The following GPR37 variants were observed in gnomAD, a reference collection of about 807,000 sequenced individuals.
GPR37 encodes G protein-coupled receptor 37, also known as prosaposin receptor GPR37.
Under a neutral mutation model 43.6 loss-of-function variants are expected in GPR37, and 20 were observed. The observed-to-expected ratio is 0.46, with a 90% CI of 0.32 to 0.67. The LOEUF (loss-of-function observed/expected upper bound fraction) is 0.67, where lower values mean the gene tolerates loss of function less well. Ranked by LOEUF, GPR37 falls within the 30% of genes least tolerant of loss-of-function variation. The probability of loss-of-function intolerance (pLI) is 0.03; values close to 1 mark genes in which losing one functional copy is unlikely to be tolerated. For synonymous variants in GPR37, 315 were observed against 322.6 expected (o/e 0.98, Z 0.25); for missense variants, 724 against 797.2 (o/e 0.91, Z 1.11).
intron 1 of GPR37, among the ~76,000 whole-genome samples, chr7:124,760,893 C>G (rs1793843109): frequency 6.6e-6 from 1 of 152,164 alleles, no homozygotes; most frequent in African/African-American, 2.4e-5. Flanking sequence ...CGTGGTGGCT[C>G]ACGCCTGTAA....
At position 124,745,480 on chromosome 7, in the gene GPR37, T is replaced by C. The variant is rs573291938; in HGVS notation, c.*1045A>G. On this transcript the variant is annotated 3_prime_UTR_variant, in exon 2 of 2. Transcript: ENST00000303921. ...ATGAAGTATCAAGTTAAAGGTAGAA[T>C]GTTCTAATAAAAATATATAAATATT... is the stretch of plus-strand genomic sequence containing the variant. 6.6e-6 allele frequency among the ~76,000 whole-genome samples: 1 copy of C among 152,302 alleles called. No individual in the cohort carries two copies. Among genetic ancestry groups the C allele is most frequent in the East Asian group, 1.9e-4 (1 of 5,186 alleles).
chr7:124,765,185 C>T lies in GPR37; in HGVS notation c.-209G>A. On this transcript the variant is annotated 5_prime_UTR_variant, in exon 1 of 2. The change abolishes an upstream ATG in the 5' untranslated region. Coordinates refer to ENST00000303921, the MANE Select transcript of GPR37 (RefSeq NM_005302.5). ...ATCCTTCCTCCTTTGGCATCTTGTGCATTTCTCAGCCAAGTTGAGTCCCAG... is the reference window on the plus strand; with the variant it reads ...ATCCTTCCTCCTTTGGCATCTTGTGTATTTCTCAGCCAAGTTGAGTCCCAG... 2.1e-6 allele frequency: 1 copy of T among 469,844 alleles called. No homozygotes were observed. The highest frequency in any genetic ancestry group is 2.0e-5 in the African/African-American group (1 of 49,348). The allele number at this position is 469,844 out of a possible 1,614,324, so 29.1% of individuals were successfully genotyped here. A position where few individuals can be genotyped will look rare whatever the true frequency, so the allele number is the denominator to read the frequency against.
intron 1 of GPR37, among the ~76,000 whole-genome samples, chr7:124,748,303 C>T (rs763159549): frequency 3.2e-4 from 48 of 152,112 alleles, no homozygotes; most frequent in Non-Finnish European, 6.8e-4. Context: ...TAACTGGGAG[C>T]CTGAACTTAC....
chr7:124,757,655 A>T (rs1411679299), intron 1 of GPR37, among the ~76,000 whole-genome samples: 5 of 152,186 alleles, frequency 3.3e-5, no homozygotes, highest in South Asian at 2.1e-4. Context: ...CTGTGACTTG[A>T]CCCATTTCAG....
At chr7:124,747,993 C>G (rs1793692073) in intron 1 of GPR37, among the ~76,000 whole-genome samples, 1 of 152,182 alleles carries the variant, frequency 6.6e-6, no homozygotes, top group Admixed American at 6.5e-5. Context: ...AGACCCCTCC[C>G]TCTTCATGCT....
chr7:124,748,762 T>G (rs1477455761), intron 1 of GPR37, among the ~76,000 whole-genome samples: 6 of 152,064 alleles, frequency 3.9e-5, no homozygotes, highest in Non-Finnish European at 8.8e-5. Flanking sequence ...AAAAAGGCAC[T>G]GCTCTTATAA....
At position 124,763,937 on chromosome 7, in the gene GPR37, C is replaced by T. The variant is rs1351856820; in HGVS notation, c.1023+17G>A. 6.2e-7 allele frequency: 1 copy of T among 1,610,396 alleles called. No homozygotes were observed. The highest frequency in any genetic ancestry group is 8.5e-7 in the Non-Finnish European group (1 of 1,178,000). On this transcript the variant is annotated intron_variant, in intron 1 of 1. Coordinates refer to ENST00000303921, the MANE Select transcript of GPR37 (RefSeq NM_005302.5). ...ACAGATAAAGCCACTAGCTTGAGAG[C>T]CCCTGGAAGGCATTACCTCTATATA...
In GPR37 at chr7:124,746,393, C is replaced by T. The variant is rs1283419312; in HGVS notation, c.*132G>A. On this transcript the variant is annotated 3_prime_UTR_variant, in exon 2 of 2. Coordinates refer to ENST00000303921, the MANE Select transcript of GPR37 (RefSeq NM_005302.5). ...CAAATATTAATTTGTAAAATCAGTT[C>T]TACAGTAGTTAATATTTCTTTCTTT... is the stretch of plus-strand genomic sequence containing the variant. The T allele has an allele frequency of 1.5e-6, 1 of 667,234 alleles. No homozygotes were observed. The highest frequency in any genetic ancestry group is 2.5e-6 in the Non-Finnish European group (1 of 395,780). The allele number at this position is 667,234 out of a possible 1,614,324, so 41.3% of individuals were successfully genotyped here. A position where few individuals can be genotyped will look rare whatever the true frequency, so the allele number is the denominator to read the frequency against.
At chr7:124,750,205 A>G (rs1263103739) in intron 1 of GPR37, among the ~76,000 whole-genome samples, 1 of 152,170 alleles carries the variant, frequency 6.6e-6, no homozygotes, top group East Asian at 1.9e-4. Flanking sequence ...TTTGTATATT[A>G]GTTTTTCAAA....
chr7:124,759,254 A>T (rs141980660), intron 1 of GPR37, among the ~76,000 whole-genome samples: 1 of 152,156 alleles, frequency 6.6e-6, no homozygotes, highest in Non-Finnish European at 1.5e-5. Context: ...TTTTGTAAAG[A>T]TGGAGTTTCG....
At chr7:124,763,884 G>T in intron 1 of GPR37, 70 bp downstream of exon 1, 2 of 1,332,060 alleles carry the variant, frequency 1.5e-6, no homozygotes, top group Non-Finnish European at 2.1e-6. Context: ...GCATCCAGCA[G>T]CAGTTCTCTG....
At chr7:124,747,380 C>T (rs757467664) in intron 1 of GPR37, 37 bp from the exon 2 acceptor site, 1 of 1,363,924 alleles carries the variant, frequency 7.3e-7, no homozygotes, top group South Asian at 1.3e-5. Context: ...TTCCCGGTGT[C>T]CCCCGAAAGA....
At chr7:124,759,054 T>G (rs1793823590) in intron 1 of GPR37, among the ~76,000 whole-genome samples, 1 of 151,164 alleles carries the variant, frequency 6.6e-6, no homozygotes, top group Non-Finnish European at 1.5e-5. Context: ...ATTTGATGTC[T>G]GAATTATTTG....
In GPR37 at chr7:124,765,050, C is replaced by G. The variant is rs1793903898; in HGVS notation, c.-74G>C. 1.5e-6 allele frequency: 2 copies of G among 1,365,064 alleles called. No individual in the cohort carries two copies. The highest frequency in any genetic ancestry group is 3.0e-5 in the South Asian group (2 of 65,762). 84.6% of individuals were successfully genotyped at this position (1,365,064 alleles called of 1,614,324 possible). On this transcript the variant is annotated 5_prime_UTR_variant, in exon 1 of 2. Coordinates refer to ENST00000303921, the MANE Select transcript of GPR37 (RefSeq NM_005302.5). ...TCGACACCTGCTGCCGAAGTTGCTG[C>G]TGAGAGTTAGGCACATGTCACATAC...
Position 124,744,607 on chromosome 7 carries a change from C to T in GPR37, c.*1918G>A, listed in dbSNP as rs978319529. ...AAAGCCTTTCATGCTCTCTTCTAAC[C>T]CTATAAGCATTCCCTCTATTCCAAA... On this transcript the variant is annotated 3_prime_UTR_variant, in exon 2 of 2. Transcript: ENST00000303921. 1 of 152,170 alleles carries T rather than the reference C, an allele frequency of 6.6e-6. No homozygotes were observed. Among genetic ancestry groups the T allele is most frequent in the East Asian group, 1.9e-4 (1 of 5,186 alleles). The allele number at this position is 152,170 out of a possible 1,614,324, so 9.4% of individuals were successfully genotyped here.
At chr7:124,749,154 TA>T (rs1430579656) in intron 1 of GPR37, among the ~76,000 whole-genome samples, 1 of 152,142 alleles carries the variant, frequency 6.6e-6, no homozygotes. Flanking sequence ...TAAACCTACT[TA>T]AATATTCTGG....
In GPR37 at chr7:124,764,655, C is replaced by A; in HGVS notation, c.322G>T (p.Gly108Ter). Residue 108 changes from glycine to a stop codon, truncating the protein, a stop_gained, in exon 1 of 2, where the codon GGA (glycine) becomes TGA (stop). Coordinates refer to ENST00000303921, the MANE Select transcript of GPR37 (RefSeq NM_005302.5). LOFTEE classifies it high-confidence loss of function. The surrounding 1 kb of genome is among the most constrained non-coding windows in gnomAD (Gnocchi z 5.4). ...GGCCTGGTTGGAGGTCCCGGGGGTCCGGCTGCCGACGCCTCCGCCCCTCTG... is the reference window on the plus strand; with the variant it reads ...GGCCTGGTTGGAGGTCCCGGGGGTCAGGCTGCCGACGCCTCCGCCCCTCTG... ...AGRGAEASAA[G>*]PPGPPTRPPG... 6.3e-7 allele frequency: 1 copy of A among 1,582,254 alleles called. No homozygotes were observed. The highest frequency in any genetic ancestry group is 1.8e-5 in the Admixed American group (1 of 56,668).
At position 124,746,563 on chromosome 7, in the gene GPR37, C is replaced by T. The variant is rs1347278490; in HGVS notation, c.1804G>A (p.Glu602Lys). The T allele has an allele frequency of 1.9e-6, 3 of 1,611,508 alleles. No individual in the cohort carries two copies. Among genetic ancestry groups the T allele is most frequent in the Non-Finnish European group, 2.5e-6 (3 of 1,178,668 alleles). Residue 602 changes from glutamate to lysine, a missense_variant, in exon 2 of 2, where the codon GAA (glutamate) becomes AAA (lysine). Around this residue, in one of 2 missense-constraint regions of GPR37, gnomAD observed 342 missense variants for 441.8 expected, o/e 0.77. Coordinates refer to ENST00000303921, the MANE Select transcript of GPR37 (RefSeq NM_005302.5). ...CCGACAGAAGCAAAAGTGGACATTT[C>T]ACGGCGTATGGTACTGAAAGGCGAG... ...ELSPFSTIRR[E>K]MSTFASVGTH...
chr7:124,749,908 G>A (rs1793713266), intron 1 of GPR37, among the ~76,000 whole-genome samples: 2 of 152,032 alleles, frequency 1.3e-5, no homozygotes, highest in African/African-American at 4.8e-5. Context: ...TAATATGACT[G>A]CAAATGACAA....
Sources: allele counts gnomAD v4.1 joint callset (sites outside exome capture counted in the v4.1 genomes callset), GRCh38; gene constraint gnomAD v4.1.1; regional missense constraint gnomAD v4.1.1; non-coding constraint Gnocchi (gnomAD v3.1); transcripts MANE v1.5; gene names NCBI Gene and HGNC (gene_info 2026-07-23, HGNC 2026-07-21).